MLLT3: variants seen among roughly 807,000 people sequenced by gnomAD.
The protein encoded by MLLT3 is MLLT3 super elongation complex subunit.
MLLT3 carries 4 observed loss-of-function variants against 53.2 expected under a neutral mutation model. That is an observed-to-expected ratio of 0.08 (90% CI 0.04 to 0.17). MLLT3 has a LOEUF of 0.17. MLLT3 is among the 10% of genes least tolerant of loss of function. The pLI is 1.00. For missense variants in MLLT3, 569 were observed against 684.0 expected (o/e 0.83, Z 1.87); for synonymous variants, 283 against 230.6 (o/e 1.23, Z -2.06).
rs143836487 is a variant in MLLT3, at chr9:20,360,777, G to T, written c.1396C>A (p.Pro466Thr). The change falls in exon 8 of 11, where the codon CCT becomes ACT. Residue 466 changes from proline (P) to threonine (T), a missense_variant. Pro to Thr is a conservative substitution (Grantham distance 38). Coordinates refer to ENST00000380338, the MANE Select transcript of MLLT3 (RefSeq NM_004529.4). ...SSASSPLHHE[P>T]PPPLLKTNNN... ...TTGGTTTTTAGTAAGGGTGGTGGAGGTTCGTGATGTAGGGGTGAAGAAGCA... is the reference window on the plus strand; with the variant it reads ...TTGGTTTTTAGTAAGGGTGGTGGAGTTTCGTGATGTAGGGGTGAAGAAGCA... 4.5e-5 allele frequency: 72 copies of T among 1,613,996 alleles called. No homozygotes were observed. The highest frequency in any genetic ancestry group is 5.9e-5 in the Non-Finnish European group (70 of 1,179,946).
At chr9:20,473,084 A>T (rs941057430) in intron 2 of MLLT3, among the ~76,000 whole-genome samples, 24 of 152,226 alleles carry the variant, frequency 1.6e-4, no homozygotes, top group Middle Eastern at 3.4e-3. Context: ...AGTCCGTAGC[A>T]ATCTGTTCTC....
At chr9:20,376,871 A>G (rs1264174461) in intron 5 of MLLT3, among the ~76,000 whole-genome samples, 2 of 152,344 alleles carry the variant, frequency 1.3e-5, no homozygotes, top group Admixed American at 6.5e-5. Context: ...GAGCTTTGAG[A>G]ATGAGAAATC....
chr9:20,528,316 T>C (rs1408914871), intron 2 of MLLT3, among the ~76,000 whole-genome samples: 1 of 152,250 alleles, frequency 6.6e-6, no homozygotes, highest in Non-Finnish European at 1.5e-5. Flanking sequence ...ATAATGCATT[T>C]AATCTGTTAC....
rs550414260 is a variant in MLLT3, at chr9:20,476,935, C to A, written c.194-20149G>T. Reference sequence around the variant, plus strand: ...TTTAAAACAAACAAGTCTTTTCCATCTGTGAATAAAGGCCAGGCTTTAAAA... The same window carrying A: ...TTTAAAACAAACAAGTCTTTTCCATATGTGAATAAAGGCCAGGCTTTAAAA... On this transcript the variant is annotated intron_variant, in intron 2 of 10. Coordinates refer to ENST00000380338, the MANE Select transcript of MLLT3 (RefSeq NM_004529.4). Among the ~76,000 whole-genome samples, 239 of 152,280 alleles carry A rather than the reference C, an allele frequency of 1.6e-3. 1 individual carries two copies. The highest frequency in any genetic ancestry group is 5.3e-3 in the African/African-American group (220 of 41,544).
At chr9:20,420,205 A>C (rs1822973908) in intron 4 of MLLT3, among the ~76,000 whole-genome samples, 1 of 152,202 alleles carries the variant, frequency 6.6e-6, no homozygotes, top group African/African-American at 2.4e-5. Context: ...AAAGTGAAAA[A>C]AGTCACAAAT....
chr9:20,615,109 C>G (rs1820793477), intron 2 of MLLT3, among the ~76,000 whole-genome samples: 1 of 151,928 alleles, frequency 6.6e-6, no homozygotes, highest in Non-Finnish European at 1.5e-5. Context: ...TTTGGGAGAT[C>G]GAGGCTGGTG....
chr9:20,395,257 C>G (rs1276179870), intron 5 of MLLT3, among the ~76,000 whole-genome samples: 1 of 152,194 alleles, frequency 6.6e-6, no homozygotes, highest in Non-Finnish European at 1.5e-5. Flanking sequence ...TGGGTAACAA[C>G]TTGAAAGCTC....
intron 2 of MLLT3, among the ~76,000 whole-genome samples, chr9:20,586,748 G>T (rs1157109108): frequency 6.6e-6 from 1 of 151,920 alleles, no homozygotes; most frequent in African/African-American, 2.4e-5. Flanking sequence ...GAGAAATAAT[G>T]AGACTCACTG....
At chr9:20,406,246 A>G (rs1019701477) in intron 5 of MLLT3, among the ~76,000 whole-genome samples, 1 of 152,124 alleles carries the variant, frequency 6.6e-6, no homozygotes, top group Admixed American at 6.5e-5. Context: ...CCTGTCTCAA[A>G]AATAAATAGA....
intron 2 of MLLT3, chr9:20,533,013 C>T: frequency 3.9e-6 from 1 of 257,300 alleles, no homozygotes; most frequent in Non-Finnish European, 7.5e-6. Flanking sequence ...AAAGGCTCAG[C>T]TGGTGGTGAC....
chr9:20,549,025 G>C (rs1347825840), intron 2 of MLLT3, among the ~76,000 whole-genome samples: 1 of 152,050 alleles, frequency 6.6e-6, no homozygotes. Context: ...ATGTTGCCCA[G>C]GTGGGTCCCG....
Position 20,350,464 on chromosome 9 carries a change from G to A in MLLT3, c.1575+3061C>T, listed in dbSNP as rs566703813. 5.2e-3 allele frequency among the ~76,000 whole-genome samples: 785 copies of A among 150,910 alleles called. 7 individuals are homozygous for A. Among genetic ancestry groups the A allele is most frequent in the Non-Finnish European group, 9.0e-3 (609 of 67,856 alleles). Reference sequence around the variant, plus strand: ...CAAAAAATTAGCCGGGCGTGGTGGCGGGCGCCTGTAGTCCCAGCTACTTGG... The same window carrying A: ...CAAAAAATTAGCCGGGCGTGGTGGCAGGCGCCTGTAGTCCCAGCTACTTGG... On this transcript the variant is annotated intron_variant, in intron 10 of 10. Coordinates refer to ENST00000380338, the MANE Select transcript of MLLT3 (RefSeq NM_004529.4).
intron 2 of MLLT3, among the ~76,000 whole-genome samples, chr9:20,566,745 G>A (rs964525617): frequency 2.0e-5 from 3 of 152,066 alleles, no homozygotes; most frequent in Non-Finnish European, 2.9e-5. Flanking sequence ...AGAAACACAT[G>A]TCTGTGTCCT....
At chr9:20,591,804 A>G (rs576103118) in intron 2 of MLLT3, among the ~76,000 whole-genome samples, 1 of 152,372 alleles carries the variant, frequency 6.6e-6, no homozygotes, top group South Asian at 2.1e-4. Context: ...TCTAAGGAAC[A>G]TGAAACTAAA....
intron 5 of MLLT3, among the ~76,000 whole-genome samples, chr9:20,404,113 G>A (rs1822523293): frequency 6.6e-6 from 1 of 152,122 alleles, no homozygotes; most frequent in Non-Finnish European, 1.5e-5. Context: ...GAACCACCGC[G>A]CCCAGTCAGA....
chr9:20,588,054 A>C (rs1157220731), intron 2 of MLLT3, among the ~76,000 whole-genome samples: 15 of 150,862 alleles, frequency 9.9e-5, no homozygotes, highest in South Asian at 6.2e-4. Flanking sequence ...TCAGCTTTCT[A>C]CATATGGCTA....
chr9:20,600,127 A>G (rs989347666), intron 2 of MLLT3, among the ~76,000 whole-genome samples: 4 of 77,624 alleles, frequency 5.2e-5, no homozygotes, highest in African/African-American at 2.0e-4. Flanking sequence ...ATGTTGTCCA[A>G]AAAAAAAAAA....
At chr9:20,617,588 G>A (rs1820865685) in intron 2 of MLLT3, among the ~76,000 whole-genome samples, 1 of 152,140 alleles carries the variant, frequency 6.6e-6, no homozygotes, top group Non-Finnish European at 1.5e-5. Context: ...TGTTTTGAAT[G>A]TGACTATTCA....
chr9:20,526,940 G>C (rs1818218842), intron 2 of MLLT3, among the ~76,000 whole-genome samples: 1 of 152,192 alleles, frequency 6.6e-6, no homozygotes, highest in South Asian at 2.1e-4. Context: ...CACTTACGAA[G>C]TGTCTGTTGA....
Sources: allele counts gnomAD v4.1 joint callset (sites outside exome capture counted in the v4.1 genomes callset), GRCh38; gene constraint gnomAD v4.1.1; transcripts MANE v1.5; gene names NCBI Gene and HGNC (gene_info 2026-07-23, HGNC 2026-07-21).